Variants in LOXHD1 observed in about 807,000 individuals in gnomAD.
LOXHD1 encodes lipoxygenase homology domain-containing protein 1.
LOXHD1 carries 205 observed loss-of-function variants against 248.2 expected under a neutral mutation model. That is an observed-to-expected ratio of 0.83 (90% CI 0.74 to 0.93). The LOEUF is 0.93. LOXHD1 is among the 40% of genes least tolerant of loss of function. LOXHD1 has a pLI of 0.00. For missense variants in LOXHD1, 2,930 were observed against 2,971.6 expected, an observed-to-expected ratio of 0.99 and a Z score of 0.33; for synonymous variants, 1,113 against 1,162.8, an observed-to-expected ratio of 0.96 and a Z score of 0.87.
In LOXHD1 at chr18:46,579,746, C is replaced by T; in HGVS notation, c.1693G>A (p.Glu565Lys). Reference sequence around the variant, plus strand: ...ACGTTGGCATCGGTCCCAGCACCTTCAAGTTCACCTGTGCACACAGTCACA... The same window carrying T: ...ACGTTGGCATCGGTCCCAGCACCTTTAAGTTCACCTGTGCACACAGTCACA... ...YHVTVCTGELEGAGTDANVYL... is the reference protein window; with the variant it reads ...YHVTVCTGELKGAGTDANVYL... Residue 565 changes from glutamate (E) to lysine (K), a missense_variant, in exon 13 of 41, where the codon GAA becomes AAA. Glu to Lys is a moderately conservative substitution (Grantham distance 56, BLOSUM62 1). Coordinates refer to ENST00000642948, the MANE Select transcript of LOXHD1 (RefSeq NM_001384474.1). 2 of 1,551,886 alleles carry T rather than the reference C, an allele frequency of 1.3e-6. No individual in the cohort carries two copies. The highest frequency in any genetic ancestry group is 2.4e-5 in the East Asian group (1 of 40,924).
intron 38 of LOXHD1, 37 bp from the exon 39 acceptor site, chr18:46,485,188 G>A: frequency 6.5e-7 from 1 of 1,532,776 alleles, no homozygotes; most frequent in Non-Finnish European, 8.8e-7. Flanking sequence ...CAGCACAGGG[G>A]AAGCAGTGCC....
chr18:46,623,609 G>A (rs902256643), intron 4 of LOXHD1, among the ~76,000 whole-genome samples: 2 of 152,242 alleles, frequency 1.3e-5, no homozygotes, highest in Non-Finnish European at 2.9e-5. Flanking sequence ...TTCCTCTGCA[G>A]GCCCTGTGGC....
At chr18:46,587,748 T>A (rs147217811) in intron 12 of LOXHD1, among the ~76,000 whole-genome samples, 48 of 152,352 alleles carry the variant, frequency 3.2e-4, no homozygotes, top group African/African-American at 1.1e-3. Context: ...TGGTGTGTAA[T>A]CACTTCTCTT....
intron 37 of LOXHD1, among the ~76,000 whole-genome samples, chr18:46,495,546 T>G (rs1016662567): frequency 2.6e-5 from 4 of 152,246 alleles, no homozygotes; most frequent in Admixed American, 1.3e-4. Context: ...CTGTATCCAC[T>G]ATTCAATGTT....
At chr18:46,641,886 T>C (rs2038966859) in intron 3 of LOXHD1, 70 bp downstream of exon 3, 1 of 1,414,688 alleles carries the variant, frequency 7.1e-7, no homozygotes, top group South Asian at 1.2e-5. Context: ...TACCCAGAAA[T>C]TGTCAATATT....
chr18:46,647,500 G>A lies in LOXHD1; in HGVS notation c.245+1655C>T, dbSNP rs570895246. On this transcript the variant is annotated intron_variant, in intron 2 of 40. Transcript: ENST00000642948. ...TGGGAACTTCAGAAACCAACCGGGC[G>A]ACTCCCTAGTGTTTGAGGCTTCTCC... is the stretch of plus-strand genomic sequence containing the variant. Among the ~76,000 whole-genome samples, 15 of 152,304 alleles carry A rather than the reference G, an allele frequency of 9.8e-5. 1 individual carries two copies. The South Asian group carries it at 2.1e-3, about 21-fold the overall frequency.
At chr18:46,639,947 A>T (rs1048068473) in intron 3 of LOXHD1, 147 bp from the exon 4 acceptor site, 2 of 967,148 alleles carry the variant, frequency 2.1e-6, no homozygotes, top group Non-Finnish European at 3.1e-6. Context: ...CGGTTTCCTC[A>T]TCTATAAAAT....
chr18:46,566,511 T>A (rs927478486), intron 16 of LOXHD1, 62 bp from the exon 17 acceptor site: 4 of 1,394,412 alleles, frequency 2.9e-6, no homozygotes, highest in Non-Finnish European at 3.9e-6. Context: ...CATGATCCCA[T>A]CCCTACCTCC....
intron 21 of LOXHD1, among the ~76,000 whole-genome samples, chr18:46,549,611 T>G (rs1242051137): frequency 6.6e-6 from 1 of 152,194 alleles, no homozygotes; most frequent in Non-Finnish European, 1.5e-5. Flanking sequence ...CTTTTCTGTC[T>G]CAACATTCTG....
intron 34 of LOXHD1, among the ~76,000 whole-genome samples, chr18:46,511,838 T>C (rs1188578996): frequency 1.3e-5 from 2 of 152,192 alleles, no homozygotes; most frequent in Non-Finnish European, 2.9e-5. Context: ...GTGCCAGTTT[T>C]AGCTTTGCTC....
chr18:46,626,481 T>G (rs1330369147), intron 4 of LOXHD1, among the ~76,000 whole-genome samples: 1 of 152,182 alleles, frequency 6.6e-6, no homozygotes, highest in Non-Finnish European at 1.5e-5. Flanking sequence ...GAGGTTGCAG[T>G]GAGCCAACAT....
chr18:46,503,054 A>C (rs1391669395), intron 37 of LOXHD1, among the ~76,000 whole-genome samples: 1 of 152,182 alleles, frequency 6.6e-6, no homozygotes, highest in Non-Finnish European at 1.5e-5. Context: ...ACATTTATTA[A>C]GCCCTCACTA....
Position 46,591,913 on chromosome 18 carries a change from G to C in LOXHD1, c.1654+20C>G, listed in dbSNP as rs529525746. On this transcript the variant is annotated intron_variant, in intron 12 of 40. Coordinates refer to ENST00000642948, the MANE Select transcript of LOXHD1 (RefSeq NM_001384474.1). ...AGGAGTTCCACTGCCTCCCAGGATG[G>C]AGAGCCTGTCAGTACTTACTGCCCA... 5 of 1,551,416 alleles carry C rather than the reference G, an allele frequency of 3.2e-6. No individual in the cohort carries two copies. In the Admixed American group the frequency reaches 5.9e-5, roughly 18 times the overall value.
rs756383240 is a variant in LOXHD1 at position 46,560,264 on chromosome 18, T to C, written c.2880A>G (p.Ser960=). 3.2e-6 allele frequency: 5 copies of C among 1,551,450 alleles called. No individual in the cohort carries two copies. The African/African-American group carries it at 5.5e-5, about 17-fold the overall frequency. Residue 960 remains serine, a synonymous_variant, in exon 19 of 41, where the codon TCA becomes TCG. Coordinates refer to ENST00000642948, the MANE Select transcript of LOXHD1 (RefSeq NM_001384474.1). ...DEGEEEESSS[S]EESSSEEEEM... is the part of the protein sequence containing the mutation. ...CCTCCTCCTCTGACGAGGACTCCTC[T>C]GATGAGGACGACTCCTCTTCCTCCC...
chr18:46,485,227 C>T (rs938648976), intron 38 of LOXHD1, 76 bp from the exon 39 acceptor site: 31 of 1,498,362 alleles, frequency 2.1e-5, no homozygotes, highest in East Asian at 7.5e-5. Flanking sequence ...AAGAGGGTCA[C>T]GGCCTCCGGT....
chr18:46,514,617 C>T (rs1009076829), intron 34 of LOXHD1, among the ~76,000 whole-genome samples: 1 of 152,186 alleles, frequency 6.6e-6, no homozygotes, highest in African/African-American at 2.4e-5. Context: ...CAACTGGAAT[C>T]CCATTTGAGT....
At chr18:46,560,058 C>G in intron 19 of LOXHD1, 25 bp downstream of exon 19, 33 of 1,363,746 alleles carry the variant, frequency 2.4e-5, no homozygotes, top group Non-Finnish European at 3.1e-5. Flanking sequence ...TCCCTCCCCA[C>G]CCCCACCCCC....
At chr18:46,492,279 T>C (rs1488797003) in intron 37 of LOXHD1, among the ~76,000 whole-genome samples, 1 of 152,202 alleles carries the variant, frequency 6.6e-6, no homozygotes, top group Non-Finnish European at 1.5e-5. Context: ...ATGTATTAGT[T>C]TGTTCTCATG....
At position 46,485,113 on chromosome 18, in the gene LOXHD1, T is replaced by G; in HGVS notation, c.6088A>C (p.Thr2030Pro). ...IVIETGNGGE[T>P]RENVWLILEG... ...AGGATGAGCCAGACGTTCTCCCTGG[T>G]TTCGCCTCCGTTGCCCGTTTCTATG... is the stretch of plus-strand genomic sequence containing the variant. The change falls in exon 39 of 41, where the codon ACC becomes CCC. Residue 2030 changes from threonine to proline, a missense_variant. By Grantham distance (38) the Thr-to-Pro change is conservative. Coordinates refer to ENST00000642948, the MANE Select transcript of LOXHD1 (RefSeq NM_001384474.1). 6.5e-7 allele frequency: 1 copy of G among 1,549,866 alleles called. No individual in the cohort carries two copies. Among genetic ancestry groups the G allele is most frequent in the Non-Finnish European group, 8.7e-7 (1 of 1,146,526 alleles).
Sources: allele counts gnomAD v4.1 joint callset (sites outside exome capture counted in the v4.1 genomes callset), GRCh38; gene constraint gnomAD v4.1.1; transcripts MANE v1.5; gene names NCBI Gene and HGNC (gene_info 2026-07-23, HGNC 2026-07-21).